TENM2: variants seen among roughly 807,000 people sequenced by gnomAD.
The protein encoded by TENM2 is teneurin transmembrane protein 2.
A neutral mutation model predicts 245.2 loss-of-function variants in TENM2; 52 were observed. That is an observed-to-expected ratio of 0.21 (90% confidence interval 0.17 to 0.27). The LOEUF is 0.27. Among genes scored for constraint, TENM2 ranks in the 10% least tolerant of loss-of-function variants. The probability of loss-of-function intolerance (pLI) is 1.00; values close to 1 mark genes in which losing one functional copy is unlikely to be tolerated. For synonymous variants in TENM2, 1,363 were observed against 1,438.9 expected, an observed-to-expected ratio of 0.95 and a Z score of 1.19; for missense variants, 3,046 against 3,666.8, an observed-to-expected ratio of 0.83 and a Z score of 4.37.
At chr5:167,670,675 T>C (rs1283730029) in intron 2 of TENM2, among the ~76,000 whole-genome samples, 1 of 152,196 alleles carries the variant, frequency 6.6e-6, no homozygotes, top group African/African-American at 2.4e-5. Context: ...ACAGTGAGCC[T>C]GACTTCCACT....
chr5:167,810,599 G>A (rs1766563325), intron 2 of TENM2, among the ~76,000 whole-genome samples: 1 of 151,602 alleles, frequency 6.6e-6, no homozygotes, highest in South Asian at 2.1e-4. Context: ...CAAGCGGAAG[G>A]TCAAGAGAGG....
the TENM2 span, among the ~76,000 whole-genome samples, chr5:167,047,411 G>A: frequency 1.1e-4 from 14 of 128,162 alleles, no homozygotes; most frequent in Non-Finnish European, 1.7e-4. Context: ...TATAATGTGA[G>A]AATTACAAAG....
At chr5:167,901,303 A>T (rs1171260660) in intron 3 of TENM2, among the ~76,000 whole-genome samples, 1 of 152,214 alleles carries the variant, frequency 6.6e-6, no homozygotes, top group African/African-American at 2.4e-5. Flanking sequence ...TGATGTAAGG[A>T]TGAAAAAAAT....
chr5:167,134,529 T>C, the TENM2 span, among the ~76,000 whole-genome samples: 1 of 152,304 alleles, frequency 6.6e-6, no homozygotes, highest in Middle Eastern at 3.4e-3. Context: ...TTATGAGAGG[T>C]TGGTCCTGAA....
intron 6 of TENM2, among the ~76,000 whole-genome samples, chr5:168,051,552 C>A (rs1789089424): frequency 1.3e-5 from 2 of 152,140 alleles, no homozygotes; most frequent in African/African-American, 4.8e-5. Context: ...TTATAGGAGT[C>A]CAGAAGAGGA....
chr5:167,951,649 G>C (rs1241353104), intron 3 of TENM2, among the ~76,000 whole-genome samples: 1 of 151,992 alleles, frequency 6.6e-6, no homozygotes, highest in African/African-American at 2.4e-5. Flanking sequence ...TTGGAGTCGG[G>C]GTCATGGCTT....
chr5:167,109,194 C>G, the TENM2 span, among the ~76,000 whole-genome samples: 1 of 150,996 alleles, frequency 6.6e-6, no homozygotes, highest in Admixed American at 6.6e-5. Context: ...TACAGCTAGA[C>G]CTTATGGGCA....
intron 2 of TENM2, among the ~76,000 whole-genome samples, chr5:167,392,128 T>C (rs1358550575): frequency 6.6e-6 from 1 of 152,064 alleles, no homozygotes; most frequent in East Asian, 1.9e-4. Context: ...ATTATTCTGT[T>C]TCAAAGGAGG....
In TENM2 at chr5:168,048,330, G is replaced by C. The variant is rs112603154; in HGVS notation, c.1309+781G>C. ...ATATGCTTAATTCGGGATGGAAATC[G>C]CAAGGGAGAGATTGTATTAAAGGAT... On this transcript the variant is annotated intron_variant, in intron 6 of 28. Coordinates refer to ENST00000518659, the Ensembl canonical transcript of TENM2. Among the ~76,000 whole-genome samples, 128 of 152,244 alleles carry C rather than the reference G, an allele frequency of 8.4e-4. 2 individuals carry two copies. The East Asian group carries it at 0.02, about 24-fold the overall frequency.
chr5:167,667,279 G>A (rs768743951), intron 2 of TENM2, among the ~76,000 whole-genome samples: 19 of 152,068 alleles, frequency 1.2e-4, no homozygotes, highest in South Asian at 4.1e-4. Flanking sequence ...GGTGTTGGCC[G>A]TATTTGCCCT....
chr5:167,744,279 C>T (rs755510875), intron 2 of TENM2, among the ~76,000 whole-genome samples: 3 of 152,124 alleles, frequency 2.0e-5, no homozygotes, highest in Non-Finnish European at 2.9e-5. Context: ...GAAGAAAAAG[C>T]GTCAGGAGAT....
At chr5:167,170,909 C>T in the TENM2 span, among the ~76,000 whole-genome samples, 3 of 144,860 alleles carry the variant, frequency 2.1e-5, no homozygotes, top group African/African-American at 8.7e-5. Flanking sequence ...TCACCGTCTC[C>T]TAAAACTCTT....
chr5:167,023,698 G>A, the TENM2 span, among the ~76,000 whole-genome samples: 1 of 152,084 alleles, frequency 6.6e-6, no homozygotes, highest in African/African-American at 2.4e-5. Context: ...TCAGTTTTAT[G>A]TACTCTCAAG....
At chr5:167,495,920 C>G (rs1768785260) in intron 2 of TENM2, among the ~76,000 whole-genome samples, 1 of 151,942 alleles carries the variant, frequency 6.6e-6, no homozygotes, top group Admixed American at 6.6e-5. Flanking sequence ...ACTTTGAAGC[C>G]ACACTTAATT....
intron 2 of TENM2, among the ~76,000 whole-genome samples, chr5:167,523,480 A>G (rs912209070): frequency 2.0e-5 from 3 of 152,128 alleles, no homozygotes. Context: ...GCCAACGTCA[A>G]ATATCAGGGG....
In TENM2 at chr5:168,118,292, C is replaced by T. The variant is rs935293110; in HGVS notation, c.1814C>T (p.Ala605Val). The change falls in exon 10 of 29, where the codon GCT becomes GTT. Residue 605 changes from alanine (A) to valine (V), a missense_variant and splice_region_variant. Transcript: ENST00000518659. ...AGTGCTCTGTCTTTGGTTTGTGCAG[C>T]TGCCTGCCCTGTCCTGTGCAGTGGG... 3.2e-6 allele frequency: 5 copies of T among 1,553,024 alleles called. No homozygotes were observed. The African/African-American group carries it at 5.4e-5, about 17-fold the overall frequency.
At chr5:167,606,991 A>G (rs1440532203) in intron 2 of TENM2, among the ~76,000 whole-genome samples, 1 of 152,132 alleles carries the variant, frequency 6.6e-6, no homozygotes, top group Non-Finnish European at 1.5e-5. Context: ...TTGAATTGGA[A>G]CTGCTGCTCT....
chr5:167,490,759 G>A (rs969159857), intron 2 of TENM2, among the ~76,000 whole-genome samples: 4 of 152,100 alleles, frequency 2.6e-5, no homozygotes, highest in African/African-American at 9.7e-5. Flanking sequence ...TTAAATTCAA[G>A]TTATTTATTG....
chr5:167,666,271 G>A lies in TENM2; in HGVS notation c.503-209715G>A, dbSNP rs548342833. On this transcript the variant is annotated intron_variant, in intron 2 of 28. Transcript: ENST00000518659. ...AACTGAAGTGAAACTTCTAAGAAAT[G>A]GTGGTGAGCATTTAGGATGTTCTAA... Among the ~76,000 whole-genome samples the A allele has an allele frequency of 9.9e-5, 15 of 152,266 alleles. No homozygotes were observed. In the South Asian group the frequency reaches 1.7e-3, roughly 17 times the overall value.
Sources: allele counts gnomAD v4.1 joint callset (sites outside exome capture counted in the v4.1 genomes callset), GRCh38; gene constraint gnomAD v4.1.1; transcripts MANE v1.5; gene names NCBI Gene and HGNC (gene_info 2026-07-23, HGNC 2026-07-21).